Variants in NSMCE2 observed in about 807,000 individuals in gnomAD.
NSMCE2 encodes NSE2 SUMO ligase component of SMC5/6 complex.
Under a neutral mutation model 23.8 loss-of-function variants are expected in NSMCE2, and 24 were observed. That is an observed-to-expected ratio of 1.01 (90% CI 0.73 to 1.42). NSMCE2 has a LOEUF of 1.42. NSMCE2 is among the 40% of genes most tolerant of loss of function. The pLI is 0.00. For synonymous variants in NSMCE2, 92 were observed against 94.1 expected, an observed-to-expected ratio of 0.98 and a Z score of 0.13; for missense variants, 284 against 296.5, an observed-to-expected ratio of 0.96 and a Z score of 0.31.
chr8:125,334,772 C>CTTTTTTT (rs34213706), intron 5 of NSMCE2, among the ~76,000 whole-genome samples: 21 of 55,878 alleles, frequency 3.8e-4, no homozygotes, highest in African/African-American at 1.3e-3. Context: ...AGTATCTTTT[C>CTTTTTTT]TTTTTTTTTT....
intron 5 of NSMCE2, among the ~76,000 whole-genome samples, chr8:125,311,834 T>C (rs1247567626): frequency 6.6e-6 from 1 of 151,990 alleles, no homozygotes; most frequent in Non-Finnish European, 1.5e-5. Flanking sequence ...ATCCCAGCAC[T>C]TTGGGAGGCC....
At chr8:125,144,617 T>G (rs1414763902) in intron 3 of NSMCE2, among the ~76,000 whole-genome samples, 1 of 152,192 alleles carries the variant, frequency 6.6e-6, no homozygotes, top group Non-Finnish European at 1.5e-5. Flanking sequence ...AGAGTCTACA[T>G]CTATAAAAAT....
chr8:125,317,286 C>G (rs575465180), intron 5 of NSMCE2, among the ~76,000 whole-genome samples: 242 of 152,122 alleles, frequency 1.6e-3, no homozygotes, highest in African/African-American at 5.6e-3. Context: ...CAGCCTCAAC[C>G]TCCTGGGCTT....
At chr8:125,256,593 C>T (rs1826427548) in intron 5 of NSMCE2, among the ~76,000 whole-genome samples, 1 of 152,084 alleles carries the variant, frequency 6.6e-6, no homozygotes, top group South Asian at 2.1e-4. Flanking sequence ...TGAAATTATG[C>T]ATAGACAAGC....
chr8:125,286,731 C>A (rs1204478891), intron 5 of NSMCE2, among the ~76,000 whole-genome samples: 1 of 146,424 alleles, frequency 6.8e-6, no homozygotes, highest in East Asian at 2.0e-4. Context: ...TTGTTTATAG[C>A]ATCTCTTCTC....
At chr8:125,151,764 T>C (rs1233946305) in intron 4 of NSMCE2, among the ~76,000 whole-genome samples, 2 of 152,232 alleles carry the variant, frequency 1.3e-5, no homozygotes, top group Non-Finnish European at 2.9e-5. Context: ...GCCAAACTTA[T>C]CTTTGTTGAC....
At chr8:125,160,380 C>T (rs1017209921) in intron 4 of NSMCE2, among the ~76,000 whole-genome samples, 3 of 152,106 alleles carry the variant, frequency 2.0e-5, no homozygotes, top group African/African-American at 7.2e-5. Context: ...GTAGAGTGGG[C>T]AGCAGGAAAC....
chr8:125,310,643 G>A (rs1028498426), intron 5 of NSMCE2, among the ~76,000 whole-genome samples: 7 of 151,572 alleles, frequency 4.6e-5, no homozygotes, highest in South Asian at 2.1e-4. Context: ...CCATTCTTCC[G>A]TAATGTTTTT....
chr8:125,177,282 GAAGA>G (rs1483694420), intron 4 of NSMCE2, among the ~76,000 whole-genome samples: 1 of 152,174 alleles, frequency 6.6e-6, no homozygotes, highest in Admixed American at 6.5e-5. Flanking sequence ...TTTCTGGGTT[GAAGA>G]ATTTCAACCC....
intron 4 of NSMCE2, among the ~76,000 whole-genome samples, chr8:125,153,146 A>G (rs1294563967): frequency 1.3e-5 from 2 of 150,824 alleles, no homozygotes; most frequent in Non-Finnish European, 2.9e-5. Context: ...AAAACTTCTC[A>G]CTCTTTCTCA....
At position 125,217,355 on chromosome 8, in the gene NSMCE2, A is replaced by AT. The variant is rs199556407; in HGVS notation, c.418+35102dup. ...AAAAATTTTATTTATTTATTTATTT[A>AT]TTTATTTTTTATTTATTTATTTTGA... On this transcript the variant is annotated intron_variant, in intron 5 of 7. Coordinates refer to ENST00000287437, the MANE Select transcript of NSMCE2 (RefSeq NM_173685.4). Among the ~76,000 whole-genome samples the AT allele has an allele frequency of 1.3e-3, 190 of 149,984 alleles. 1 individual carries two copies. In the East Asian group the frequency reaches 0.019, roughly 15 times the overall value.
intron 5 of NSMCE2, among the ~76,000 whole-genome samples, chr8:125,290,154 C>T (rs923117568): frequency 6.6e-6 from 1 of 151,860 alleles, no homozygotes; most frequent in Admixed American, 6.6e-5. Flanking sequence ...TTTTTCATGA[C>T]GTTAAAAAAA....
At chr8:125,164,481 T>C (rs996270737) in intron 4 of NSMCE2, among the ~76,000 whole-genome samples, 4 of 152,238 alleles carry the variant, frequency 2.6e-5, no homozygotes, top group Admixed American at 6.5e-5. Flanking sequence ...ACATCTCTTA[T>C]TGTAAATTTT....
Position 125,302,920 on chromosome 8 carries a change from A to C in NSMCE2, c.419-54299A>C, listed in dbSNP as rs1828620022. 2.0e-5 allele frequency among the ~76,000 whole-genome samples: 3 copies of C among 152,160 alleles called. No individual in the cohort carries two copies. In the South Asian group the frequency reaches 6.2e-4, roughly 32 times the overall value. The stretch of plus-strand genomic sequence containing the variant: ...AAACAACTCTGGGAATCCGGGACAA[A>C]GAATCTGAGCACACATCATGCACCA... On this transcript the variant is annotated intron_variant, in intron 5 of 7. Coordinates refer to ENST00000287437, the MANE Select transcript of NSMCE2 (RefSeq NM_173685.4).
intron 7 of NSMCE2, 88 bp downstream of exon 7, chr8:125,357,906 A>G (rs527917707): frequency 1.2e-6 from 1 of 863,530 alleles, no homozygotes; most frequent in Admixed American, 2.2e-5. Context: ...GAGGCACTTC[A>G]ATGTCTCTTC....
chr8:125,321,042 G>A (rs1829431162), intron 5 of NSMCE2, among the ~76,000 whole-genome samples: 1 of 152,168 alleles, frequency 6.6e-6, no homozygotes, highest in Non-Finnish European at 1.5e-5. Flanking sequence ...CATGAGAACA[G>A]CACCAGGGGG....
chr8:125,264,145 T>C (rs1826815916), intron 5 of NSMCE2, among the ~76,000 whole-genome samples: 2 of 152,220 alleles, frequency 1.3e-5, no homozygotes, highest in Admixed American at 6.5e-5. Flanking sequence ...GAGTAAGCCC[T>C]AAAAGCAGTA....
At chr8:125,099,290 A>G (rs1171074596) in intron 1 of NSMCE2, among the ~76,000 whole-genome samples, 1 of 152,078 alleles carries the variant, frequency 6.6e-6, no homozygotes, top group Non-Finnish European at 1.5e-5. Context: ...TTGCCGTTGT[A>G]TATCAGATGG....
At chr8:125,148,722 G>GAAAAC (rs912488539) in intron 3 of NSMCE2, among the ~76,000 whole-genome samples, 103 of 152,158 alleles carry the variant, frequency 6.8e-4, no homozygotes, top group African/African-American at 2.4e-3. Context: ...ATCCATTAAG[G>GAAAAC]AAAACAAAAC....
Sources: allele counts gnomAD v4.1 joint callset (sites outside exome capture counted in the v4.1 genomes callset), GRCh38; gene constraint gnomAD v4.1.1; transcripts MANE v1.5; gene names NCBI Gene and HGNC (gene_info 2026-07-23, HGNC 2026-07-21).